The following PDCD11 variants were observed in gnomAD, a reference collection of about 807,000 sequenced individuals.
PDCD11 encodes programmed cell death 11.
PDCD11 carries 97 observed loss-of-function variants against 198.9 expected under a neutral mutation model. The ratio of observed to expected loss-of-function variants is 0.49; its 90% CI spans 0.41 to 0.58. PDCD11 has a LOEUF of 0.58. PDCD11 is among the 20% of genes least tolerant of loss of function. PDCD11 has a pLI of 0.00. For missense variants in PDCD11, 2,102 were observed against 2,312.7 expected, an observed-to-expected ratio of 0.91 and a Z score of 1.87; for synonymous variants, 893 against 918.0, an observed-to-expected ratio of 0.97 and a Z score of 0.49.
At chr10:103,419,208 C>T (rs1214963995) in intron 15 of PDCD11, among the ~76,000 whole-genome samples, 3 of 152,074 alleles carry the variant, frequency 2.0e-5, no homozygotes, top group Non-Finnish European at 4.4e-5. Flanking sequence ...GGGGGATGAG[C>T]CATCCCTTTT....
intron 21 of PDCD11, among the ~76,000 whole-genome samples, chr10:103,430,103 C>T (rs2031866413): frequency 6.6e-6 from 1 of 152,096 alleles, no homozygotes; most frequent in East Asian, 1.9e-4. Context: ...TGATCCCCCT[C>T]CCTCAGTCCC....
In PDCD11 at chr10:103,427,391, G is replaced by T. The variant is rs925917865; in HGVS notation, c.3368G>T (p.Ser1123Ile). 6.2e-7 allele frequency: 1 copy of T among 1,610,276 alleles called. No individual in the cohort carries two copies. The highest frequency in any genetic ancestry group is 2.2e-5 in the East Asian group (1 of 44,518). Reference protein sequence around the residue: ...RTIPELSVRPSELEDGHTALN... With the variant: ...RTIPELSVRPIELEDGHTALN... ...ATCCCGGAGCTGAGTGTTCGGCCAAGGTGAGGGGGACATTAGCAGCACTGT... is the reference window on the plus strand; with the variant it reads ...ATCCCGGAGCTGAGTGTTCGGCCAATGTGAGGGGGACATTAGCAGCACTGT... Residue 1123 changes from serine (S) to isoleucine (I), a missense_variant and splice_region_variant, in exon 21 of 36, where the codon AGT (serine) becomes ATT (isoleucine). Ser to Ile is a moderately radical substitution (Grantham distance 142, BLOSUM62 -2). Transcript: ENST00000369797.
chr10:103,412,765 A>G (rs1030980453), intron 8 of PDCD11, among the ~76,000 whole-genome samples: 1 of 151,890 alleles, frequency 6.6e-6, no homozygotes, highest in East Asian at 1.9e-4. Context: ...TCCCCAGCCT[A>G]TTTTTGTATT....
Position 103,418,506 on chromosome 10 carries a change from A to G in PDCD11, c.1978A>G (p.Ile660Val), listed in dbSNP as rs1237761415. The G allele has an allele frequency of 6.2e-7, 1 of 1,614,140 alleles. No individual in the cohort carries two copies. The highest frequency in any genetic ancestry group is 8.5e-7 in the Non-Finnish European group (1 of 1,180,018). ...GGAGGTGGCTGTCCTGCCCCACAACATCCGTGCTTTCCTCCCCACATCTCA... is the reference window on the plus strand; with the variant it reads ...GGAGGTGGCTGTCCTGCCCCACAACGTCCGTGCTTTCCTCCCCACATCTCA... ...GLEVAVLPHN[I>V]RAFLPTSHLS... The change falls in exon 15 of 36, where the codon ATC (isoleucine) becomes GTC (valine). Residue 660 changes from isoleucine to valine, a missense_variant. Physicochemically the swap from Ile to Val is conservative, Grantham distance 29. Transcript: ENST00000369797.
intron 6 of PDCD11, 60 bp from the exon 7 acceptor site, chr10:103,406,549 C>T (rs183266092): frequency 4.9e-5 from 73 of 1,502,002 alleles, no homozygotes; most frequent in East Asian, 2.3e-4. Flanking sequence ...CTTGGGCCCA[C>T]GTTAAAAGTC....
intron 4 of PDCD11, 33 bp from the exon 5 acceptor site, chr10:103,404,989 G>A (rs763161273): frequency 6.2e-7 from 1 of 1,605,748 alleles, no homozygotes. Flanking sequence ...GGAGAAGGGT[G>A]TATATCAGGT....
In PDCD11 at chr10:103,443,367, G is replaced by T. The variant is rs894627578; in HGVS notation, c.5124+34G>T. On this transcript the variant is annotated intron_variant, in intron 33 of 35. Coordinates refer to ENST00000369797, the MANE Select transcript of PDCD11 (RefSeq NM_014976.2). ...TTGGGCCACAGACGAACTCCTGGGAGTTCCAGGGCCACAATCTCAGAGAAG... is the reference window on the plus strand; with the variant it reads ...TTGGGCCACAGACGAACTCCTGGGATTTCCAGGGCCACAATCTCAGAGAAG... The T allele has an allele frequency of 1.9e-6, 3 of 1,563,152 alleles. No homozygotes were observed. The South Asian group carries it at 3.5e-5, about 18-fold the overall frequency.
intron 16 of PDCD11, 26 bp from the exon 17 acceptor site, chr10:103,421,322 C>G (rs367574508): frequency 6.4e-7 from 1 of 1,561,860 alleles, no homozygotes; most frequent in African/African-American, 1.3e-5. Flanking sequence ...TTCCTCTTCT[C>G]ATCTCCTGCC....
At position 103,418,581 on chromosome 10, in the gene PDCD11, G is replaced by A; in HGVS notation, c.2053G>A (p.Ala685Thr). The change falls in exon 15 of 36, where the codon GCA becomes ACA. Residue 685 changes from alanine to threonine, a missense_variant. Coordinates refer to ENST00000369797, the MANE Select transcript of PDCD11 (RefSeq NM_014976.2). ...NGPLLHHWLQ[A>T]GDILHRVLCL... ...CCCATTGTTACATCATTGGCTCCAG[G>A]CAGGTGACATCCTTCACCGAGTCCT... The A allele has an allele frequency of 6.2e-7, 1 of 1,614,168 alleles. No homozygotes were observed. The highest frequency in any genetic ancestry group is 8.5e-7 in the Non-Finnish European group (1 of 1,180,016).
intron 11 of PDCD11, among the ~76,000 whole-genome samples, chr10:103,414,692 G>A (rs1264214079): frequency 2.0e-5 from 3 of 152,156 alleles, no homozygotes; most frequent in African/African-American, 7.2e-5. Context: ...GGCTCTAATC[G>A]AGCAGCTCCC....
At chr10:103,415,262 T>TAC in intron 12 of PDCD11, 111 bp downstream of exon 12, 3 of 1,069,166 alleles carry the variant, frequency 2.8e-6, no homozygotes, top group Non-Finnish European at 2.8e-6. Flanking sequence ...CTGTAGTGTG[T>TAC]CTTGTGCTGT....
chr10:103,400,723 G>A (rs1336142696), intron 3 of PDCD11, among the ~76,000 whole-genome samples, 195 bp downstream of exon 3: 6 of 151,766 alleles, frequency 4.0e-5, no homozygotes, highest in African/African-American at 1.5e-4. Flanking sequence ...ATTGCTAACC[G>A]ATGCCAGGAA....
chr10:103,414,902 C>G, intron 11 of PDCD11, 103 bp from the exon 12 acceptor site: 7 of 1,206,576 alleles, frequency 5.8e-6, no homozygotes, highest in Non-Finnish European at 8.5e-6. Context: ...ACAGTTAGCC[C>G]AGGAAGTTGG....
At chr10:103,443,011 GT>G (rs1440881263) in intron 32 of PDCD11, among the ~76,000 whole-genome samples, 153 bp from the exon 33 acceptor site, 1 of 152,142 alleles carries the variant, frequency 6.6e-6, no homozygotes, top group African/African-American at 2.4e-5. Flanking sequence ...TGCAGGAGCT[GT>G]GGGGACACAG....
chr10:103,427,178 A>G (rs2031732031), intron 20 of PDCD11, 151 bp from the exon 21 acceptor site: 1 of 702,826 alleles, frequency 1.4e-6, no homozygotes. Context: ...GGAAACCTTC[A>G]GCCTGACACA....
chr10:103,442,304 G>A lies in PDCD11; in HGVS notation c.4799G>A (p.Arg1600Gln), dbSNP rs771155545. The change falls in exon 32 of 36, where the codon CGG (arginine) becomes CAG (glutamine). Residue 1600 changes from arginine (R) to glutamine (Q), a missense_variant. Physicochemically the swap from Arg to Gln is conservative, Grantham distance 43. Coordinates refer to ENST00000369797, the MANE Select transcript of PDCD11 (RefSeq NM_014976.2). Reference protein sequence around the residue: ...RIEEALMDPGRQPESADDFDR... With the variant: ...RIEEALMDPGQQPESADDFDR... ...GAGGAGGCGCTGATGGATCCTGGGC[G>A]GCAGCCAGAGTCCGCGGATGATTTT... The A allele has an allele frequency of 4.3e-6, 7 of 1,614,232 alleles. No homozygotes were observed. Among genetic ancestry groups the A allele is most frequent in the South Asian group, 2.2e-5 (2 of 91,078 alleles).
At chr10:103,406,517 C>A in intron 6 of PDCD11, 92 bp from the exon 7 acceptor site, 4 of 1,134,962 alleles carry the variant, frequency 3.5e-6, no homozygotes, top group South Asian at 1.6e-5. Context: ...GGCAGGTAGG[C>A]CATGGGTCTT....
intron 3 of PDCD11, among the ~76,000 whole-genome samples, chr10:103,402,730 T>TA (rs2030184868): frequency 1.3e-5 from 2 of 152,116 alleles, no homozygotes; most frequent in African/African-American, 2.4e-5. Context: ...TGAGCCACTG[T>TA]ACCCGGCCTA....
chr10:103,440,158 T>A, intron 28 of PDCD11, 132 bp from the exon 29 acceptor site: 3 of 1,355,370 alleles, frequency 2.2e-6, no homozygotes, highest in Non-Finnish European at 3.0e-6. Context: ...TTGAGAATAT[T>A]GAAAGGACTC....
Sources: allele counts gnomAD v4.1 joint callset (sites outside exome capture counted in the v4.1 genomes callset), GRCh38; gene constraint gnomAD v4.1.1; transcripts MANE v1.5; gene names NCBI Gene and HGNC (gene_info 2026-07-23, HGNC 2026-07-21).